Variants in CNBD1 observed in about 807,000 individuals in gnomAD.
The protein encoded by CNBD1 is cyclic nucleotide binding domain containing 1, also known as cyclic nucleotide-binding domain-containing protein 1.
CNBD1 carries 71 observed loss-of-function variants against 54.4 expected under a neutral mutation model. The observed-to-expected ratio is 1.30, with a 90% confidence interval of 1.08 to 1.59. The LOEUF (loss-of-function observed/expected upper bound fraction) is 1.59, where lower values mean the gene tolerates loss of function less well. Ranked by LOEUF, CNBD1 falls within the 40% of genes most tolerant of loss-of-function variation. The pLI is 0.00. For missense variants in CNBD1, 659 were observed against 518.0 expected (o/e 1.27, Z -2.64); for synonymous variants, 182 against 170.7 (o/e 1.07, Z -0.51).
At chr8:87,337,475 C>G (rs527237232) in intron 8 of CNBD1, among the ~76,000 whole-genome samples, 8 of 152,198 alleles carry the variant, frequency 5.3e-5, no homozygotes, top group Non-Finnish European at 1.0e-4. Context: ...GCTCAGATGG[C>G]TTAGACTGCA....
intron 2 of CNBD1, among the ~76,000 whole-genome samples, chr8:87,421,312 T>A (rs1371972230): frequency 6.6e-6 from 1 of 151,924 alleles, no homozygotes; most frequent in Non-Finnish European, 1.5e-5. Context: ...TTAGGGTACA[T>A]GTGCACATTG....
At position 87,382,850 on chromosome 8, in the gene CNBD1, G is replaced by T. The variant is rs1204699188; in HGVS notation, c.*223G>T. The T allele has an allele frequency of 1.9e-5, 8 of 413,016 alleles. No individual in the cohort carries two copies. The East Asian group carries it at 2.1e-4, about 11-fold the overall frequency. 25.6% of individuals were successfully genotyped at this position (413,016 alleles called of 1,614,324 possible). ...TACTAAAATAAATATAGTTATCATT[G>T]CTTGATTTACCTCTGTTGATACGAA... On this transcript the variant is annotated 3_prime_UTR_variant, in exon 11 of 11. Transcript: ENST00000518476.
intron 2 of CNBD1, among the ~76,000 whole-genome samples, chr8:87,409,642 G>A (rs1479589682): frequency 1.3e-5 from 2 of 152,150 alleles, no homozygotes; most frequent in Non-Finnish European, 2.9e-5. Context: ...AGACTCTCCT[G>A]TTAGGGCCTA....
chr8:87,027,412 C>T (rs1809673036), intron 4 of CNBD1, among the ~76,000 whole-genome samples: 1 of 152,162 alleles, frequency 6.6e-6, no homozygotes. Context: ...GCTGGAACTA[C>T]AGGCCTGCAC....
At chr8:87,198,650 CAGA>C (rs1813773782) in intron 4 of CNBD1, among the ~76,000 whole-genome samples, 1 of 152,050 alleles carries the variant, frequency 6.6e-6, no homozygotes, top group African/African-American at 2.4e-5. Context: ...TGCCAATCAG[CAGA>C]AGTTTTTATA....
intron 6 of CNBD1, among the ~76,000 whole-genome samples, chr8:87,264,427 T>C (rs1445007391): frequency 6.6e-6 from 1 of 152,230 alleles, no homozygotes; most frequent in Non-Finnish European, 1.5e-5. Context: ...GTTCCAAGTC[T>C]TTGCTATTGT....
intron 4 of CNBD1, among the ~76,000 whole-genome samples, chr8:86,968,202 A>G (rs1332078837): frequency 6.6e-6 from 1 of 152,010 alleles, no homozygotes; most frequent in Non-Finnish European, 1.5e-5. Flanking sequence ...AGAAAACCGT[A>G]TTGCTCTGGG....
intron 10 of CNBD1, among the ~76,000 whole-genome samples, chr8:87,380,186 G>T (rs74903028): frequency 0.019 from 2,844 of 151,888 alleles, 88 homozygotes; most frequent in African/African-American, 0.062. Context: ...GCTAATATTT[G>T]AATATTAAAA....
At chr8:87,327,376 G>C (rs1453120270) in intron 8 of CNBD1, among the ~76,000 whole-genome samples, 1 of 151,700 alleles carries the variant, frequency 6.6e-6, no homozygotes, top group African/African-American at 2.4e-5. Context: ...AGCAAGCCTG[G>C]GCAATGGTGG....
chr8:86,873,091 G>GTTT (rs1017762989), intron 1 of CNBD1, among the ~76,000 whole-genome samples: 4 of 149,450 alleles, frequency 2.7e-5, no homozygotes, highest in African/African-American at 1.0e-4. Flanking sequence ...TGTTGTTGTT[G>GTTT]TTGTTGTTTT....
intron 4 of CNBD1, among the ~76,000 whole-genome samples, chr8:87,011,180 GT>G (rs200701648): frequency 0.26 from 32,840 of 128,670 alleles, 3,984 homozygotes; most frequent in Admixed American, 0.38. Context: ...TTAGAGTTTG[GT>G]TTTTTTTTTT....
At chr8:87,269,568 A>C (rs1047372011) in intron 6 of CNBD1, among the ~76,000 whole-genome samples, 1 of 152,030 alleles carries the variant, frequency 6.6e-6, no homozygotes, top group South Asian at 2.1e-4. Flanking sequence ...ATATTTTTCC[A>C]TTTGTTTGTG....
chr8:87,366,272 G>A (rs67842235), intron 10 of CNBD1, among the ~76,000 whole-genome samples: 25,142 of 152,012 alleles, frequency 0.17, 2,942 homozygotes, highest in African/African-American at 0.34. Context: ...TTTTAGGGCT[G>A]TGGAGAAGAG....
chr8:87,176,616 C>T (rs1813202970), intron 4 of CNBD1, among the ~76,000 whole-genome samples: 1 of 150,776 alleles, frequency 6.6e-6, no homozygotes, highest in Non-Finnish European at 1.5e-5. Context: ...TCCCGATTAG[C>T]TGGGATTACA....
At chr8:87,059,287 T>G (rs1420124268) in intron 4 of CNBD1, among the ~76,000 whole-genome samples, 2 of 152,216 alleles carry the variant, frequency 1.3e-5, no homozygotes, top group Non-Finnish European at 2.9e-5. Context: ...CTTCCAAACA[T>G]TCCAACATTT....
At chr8:87,370,172 G>A (rs534015214) in intron 10 of CNBD1, among the ~76,000 whole-genome samples, 273 of 151,756 alleles carry the variant, frequency 1.8e-3, no homozygotes, top group Non-Finnish European at 3.0e-3. Context: ...ATTGTGAATA[G>A]TGCCGCAATA....
intron 4 of CNBD1, among the ~76,000 whole-genome samples, chr8:86,947,797 A>T (rs1045749728): frequency 6.6e-6 from 1 of 152,088 alleles, no homozygotes; most frequent in African/African-American, 2.4e-5. Context: ...TTATTTTAAA[A>T]TTACAATTAA....
At chr8:87,319,975 T>C (rs868590241) in intron 8 of CNBD1, among the ~76,000 whole-genome samples, 6 of 152,044 alleles carry the variant, frequency 3.9e-5, no homozygotes, top group Admixed American at 2.0e-4. Flanking sequence ...TATTTTAAAA[T>C]GATCTGAATT....
intron 5 of CNBD1, among the ~76,000 whole-genome samples, chr8:87,206,508 C>T (rs1206310153): frequency 6.6e-6 from 1 of 152,074 alleles, no homozygotes; most frequent in African/African-American, 2.4e-5. Flanking sequence ...AGGGACCACA[C>T]TTGTGGAACC....
Sources: gnomAD v4.1 joint callset for allele counts (sites outside exome capture counted in the v4.1 genomes callset) on GRCh38, gnomAD v4.1.1 for gene constraint, MANE v1.5 for transcripts, NCBI Gene and HGNC (gene_info 2026-07-23, HGNC 2026-07-21) for gene names.